CDH20: variants seen among roughly 807,000 people sequenced by gnomAD.
The protein encoded by CDH20 is cadherin 20, also known as cadherin-20.
In CDH20, 29 loss-of-function variants were observed where a neutral mutation model predicts 74.2. That is an observed-to-expected ratio of 0.39 (90% CI 0.29 to 0.53). The LOEUF (loss-of-function observed/expected upper bound fraction) is 0.53, where lower values mean the gene tolerates loss of function less well. Ranked by LOEUF, CDH20 falls within the 20% of genes least tolerant of loss-of-function variation. CDH20 has a pLI of 0.69. For missense variants in CDH20, 988 were observed against 1,048.3 expected (o/e 0.94, Z 0.79); for synonymous variants, 469 against 405.4 (o/e 1.16, Z -1.88).
intron 1 of CDH20, among the ~76,000 whole-genome samples, 173 bp downstream of exon 1, chr18:61,334,000 C>A (rs1007737414): frequency 6.6e-6 from 1 of 152,182 alleles, no homozygotes; most frequent in African/African-American, 2.4e-5. Context: ...CCGAGTTCGA[C>A]TTCCTCGGAC....
At chr18:61,423,638 C>T (rs536082675) in intron 1 of CDH20, among the ~76,000 whole-genome samples, 2 of 152,066 alleles carry the variant, frequency 1.3e-5, no homozygotes, top group Non-Finnish European at 2.9e-5. Context: ...CAGTAAAAGC[C>T]ACTGTTTAAT....
At chr18:61,397,422 A>G (rs1446790235) in intron 1 of CDH20, among the ~76,000 whole-genome samples, 2 of 151,986 alleles carry the variant, frequency 1.3e-5, no homozygotes, top group Non-Finnish European at 2.9e-5. Flanking sequence ...AGCCCTGTGG[A>G]GTTTCTTGAG....
intron 10 of CDH20, among the ~76,000 whole-genome samples, chr18:61,549,571 G>C (rs1913362843): frequency 6.6e-6 from 1 of 152,190 alleles, no homozygotes; most frequent in Non-Finnish European, 1.5e-5. Context: ...TTTCCTGGAG[G>C]CGCAAAGCAG....
chr18:61,335,698 T>C (rs1048124316), intron 1 of CDH20, among the ~76,000 whole-genome samples: 1 of 152,224 alleles, frequency 6.6e-6, no homozygotes, highest in African/African-American at 2.4e-5. Flanking sequence ...CGTGAGATGA[T>C]CTAATTTTGT....
intron 1 of CDH20, among the ~76,000 whole-genome samples, chr18:61,420,222 T>G (rs1008144886): frequency 6.6e-6 from 1 of 152,230 alleles, no homozygotes; most frequent in African/African-American, 2.4e-5. Flanking sequence ...TAATTTTGCC[T>G]GTTCCATCAG....
chr18:61,347,315 T>C (rs866219475), intron 1 of CDH20, among the ~76,000 whole-genome samples: 1,638 of 55,824 alleles, frequency 0.029, 36 homozygotes, highest in Admixed American at 0.12. Flanking sequence ...TATATATATA[T>C]ATATACACAC....
intron 6 of CDH20, among the ~76,000 whole-genome samples, chr18:61,526,457 G>A (rs1055309333): frequency 1.3e-5 from 2 of 152,022 alleles, no homozygotes; most frequent in Admixed American, 6.6e-5. Flanking sequence ...CATATTTTAT[G>A]AAAAAAGTGA....
chr18:61,468,409 T>C (rs955379471), intron 1 of CDH20, among the ~76,000 whole-genome samples: 7 of 152,292 alleles, frequency 4.6e-5, no homozygotes, highest in African/African-American at 1.7e-4. Context: ...CATTTCTGTC[T>C]GTAGGGATGT....
chr18:61,354,733 C>A (rs1297214093), intron 1 of CDH20, among the ~76,000 whole-genome samples: 1 of 152,094 alleles, frequency 6.6e-6, no homozygotes, highest in African/African-American at 2.4e-5. Flanking sequence ...GAAACCCTAA[C>A]ATATATTGAT....
intron 11 of CDH20, among the ~76,000 whole-genome samples, chr18:61,551,226 T>C (rs1456741635): frequency 1.3e-5 from 2 of 152,236 alleles, no homozygotes; most frequent in African/African-American, 2.4e-5. Context: ...AAAGTATCTG[T>C]ACATATATCC....
chr18:61,488,081 C>CAT (rs71178973), intron 1 of CDH20, among the ~76,000 whole-genome samples: 135,922 of 148,844 alleles, frequency 0.91, 62,469 homozygotes, highest in Non-Finnish European at 0.98. Flanking sequence ...TACGTACATA[C>CAT]ATATATATAT....
At chr18:61,476,052 G>C (rs1910369708) in intron 1 of CDH20, among the ~76,000 whole-genome samples, 1 of 152,146 alleles carries the variant, frequency 6.6e-6, no homozygotes, top group South Asian at 2.1e-4. Context: ...AGGTGTGGCA[G>C]AGTGCATTTT....
chr18:61,501,890 G>A (rs906619392), intron 4 of CDH20, among the ~76,000 whole-genome samples: 7 of 152,094 alleles, frequency 4.6e-5, no homozygotes, highest in Admixed American at 3.9e-4. Context: ...CAGCTCCCGG[G>A]GGGCATCTGT....
rs1277688020 is a variant in CDH20, at chr18:61,460,089, A to AG, written c.-152-30313_-152-30312insG. Among the ~76,000 whole-genome samples the AG allele has an allele frequency of 2.0e-5, 3 of 151,320 alleles. No individual in the cohort carries two copies. In the East Asian group the frequency reaches 5.8e-4, roughly 29 times the overall value. The stretch of plus-strand genomic sequence containing the variant: ...AGAGGAGGACACACTGGTTTTAAAA[A>AG]CAAACAAAAAAAAATGACCTAAATT... On this transcript the variant is annotated intron_variant, in intron 1 of 11. Transcript: ENST00000262717.
chr18:61,548,181 T>G (rs572761721), intron 10 of CDH20, among the ~76,000 whole-genome samples: 1 of 152,202 alleles, frequency 6.6e-6, no homozygotes, highest in Non-Finnish European at 1.5e-5. Context: ...TGGCATCCTT[T>G]CTCCATTGGG....
At chr18:61,551,622 A>C (rs1281494799) in intron 11 of CDH20, among the ~76,000 whole-genome samples, 1 of 152,244 alleles carries the variant, frequency 6.6e-6, no homozygotes, top group African/African-American at 2.4e-5. Context: ...TCCCTGTGTC[A>C]AGAGAAAATT....
At chr18:61,470,841 A>G (rs1910146905) in intron 1 of CDH20, among the ~76,000 whole-genome samples, 1 of 152,098 alleles carries the variant, frequency 6.6e-6, no homozygotes, top group South Asian at 2.1e-4. Context: ...TTATGCTTGG[A>G]GGTTGGATTA....
chr18:61,538,596 G>GTT (rs533711893), intron 8 of CDH20, among the ~76,000 whole-genome samples: 8 of 24,516 alleles, frequency 3.3e-4, no homozygotes, highest in Non-Finnish European at 4.8e-4. Context: ...TTGTTTGTTT[G>GTT]TTTTTGTTTT....
intron 11 of CDH20, 137 bp downstream of exon 11, chr18:61,550,366 G>C (rs979645044): frequency 6.5e-6 from 7 of 1,077,770 alleles, no homozygotes; most frequent in Non-Finnish European, 6.7e-6. Context: ...GAGTGAGGCT[G>C]CACAAAAAAC....
Sources: allele counts gnomAD v4.1 joint callset (sites outside exome capture counted in the v4.1 genomes callset), GRCh38; gene constraint gnomAD v4.1.1; transcripts MANE v1.5; gene names NCBI Gene and HGNC (gene_info 2026-07-23, HGNC 2026-07-21).